The following ENAH variants were observed in gnomAD, a reference collection of about 807,000 sequenced individuals.
The protein encoded by ENAH is ENAH actin regulator, also known as protein enabled homolog.
Under a neutral mutation model 78.7 loss-of-function variants are expected in ENAH, and 23 were observed. The observed-to-expected ratio is 0.29, with a 90% CI of 0.21 to 0.41. ENAH has a LOEUF of 0.41. ENAH is among the 10% of genes least tolerant of loss of function. The probability of loss-of-function intolerance (pLI) is 1.00; values close to 1 mark genes in which losing one functional copy is unlikely to be tolerated. For synonymous variants in ENAH, 226 were observed against 241.0 expected (o/e 0.94, Z 0.58); for missense variants, 544 against 691.0 (o/e 0.79, Z 2.39).
chr1:225,605,427 G>A (rs2096951694), intron 1 of ENAH, among the ~76,000 whole-genome samples: 1 of 152,204 alleles, frequency 6.6e-6, no homozygotes, highest in South Asian at 2.1e-4. Flanking sequence ...CATAGATTTG[G>A]AAGCAAGTCT....
intron 4 of ENAH, among the ~76,000 whole-genome samples, chr1:225,523,031 A>G (rs1254505087): frequency 1.3e-5 from 2 of 152,058 alleles, no homozygotes; most frequent in Non-Finnish European, 2.9e-5. Flanking sequence ...TGTTTCTTAC[A>G]TTTTAGCTTT....
chr1:225,609,954 G>A (rs534761670), intron 1 of ENAH, among the ~76,000 whole-genome samples: 11 of 152,054 alleles, frequency 7.2e-5, no homozygotes, highest in South Asian at 4.1e-4. Context: ...ATGAGCCACC[G>A]CGCCCGGCCT....
Position 225,512,942 on chromosome 1 carries a change from G to C in ENAH, c.1293C>G (p.Gly431=). ...VNSASSKTDT[G]RGNGPLPLGG... ...CTAAAGGAAGGGGTCCATTTCCACGGCCTGTATCTGTTTTAGATGAGGCGG... is the reference window on the plus strand; with the variant it reads ...CTAAAGGAAGGGGTCCATTTCCACGCCCTGTATCTGTTTTAGATGAGGCGG... Residue 431 remains glycine (G), a synonymous_variant, in exon 8 of 14, where the codon GGC becomes GGG. Coordinates refer to ENST00000366843, the MANE Select transcript of ENAH (RefSeq NM_018212.6). 1 of 1,613,856 alleles carries C rather than the reference G, an allele frequency of 6.2e-7. No individual in the cohort carries two copies.
chr1:225,517,173 A>G (rs1445513970), intron 6 of ENAH, 23 bp downstream of exon 6: 15 of 1,481,422 alleles, frequency 1.0e-5, no homozygotes, highest in Non-Finnish European at 1.3e-5. Flanking sequence ...ATTAGCTGTT[A>G]GTAGCAATAA....
chr1:225,542,477 C>A (rs1333185853), intron 3 of ENAH, among the ~76,000 whole-genome samples: 1 of 152,178 alleles, frequency 6.6e-6, no homozygotes, highest in East Asian at 1.9e-4. Context: ...AGCTGTCTCC[C>A]TTTTCCATGG....
chr1:225,608,554 G>A (rs1273072821), intron 1 of ENAH, among the ~76,000 whole-genome samples: 1 of 151,846 alleles, frequency 6.6e-6, no homozygotes, highest in African/African-American at 2.4e-5. Flanking sequence ...CGTGGCTCAC[G>A]CCTGTAATCT....
chr1:225,508,446 T>C (rs2096351486), intron 10 of ENAH: 1 of 152,548 alleles, frequency 6.6e-6, no homozygotes, highest in Non-Finnish European at 1.5e-5. Flanking sequence ...GTATAACTTA[T>C]AATATGTTCA....
At position 225,573,213 on chromosome 1, in the gene ENAH, T is replaced by C. The variant is rs571675122; in HGVS notation, c.6-5799A>G. Among the ~76,000 whole-genome samples the C allele has an allele frequency of 7.2e-4, 109 of 152,322 alleles. 1 individual carries two copies. The highest frequency in any genetic ancestry group is 2.5e-3 in the African/African-American group (102 of 41,572). On this transcript the variant is annotated intron_variant, in intron 1 of 13. Transcript: ENST00000366843. Reference sequence around the variant, plus strand: ...AATTTCTTTTCAAAGATATCACTTATTAATCATTACTTGTCAAAGAAAGCA... The same window carrying C: ...AATTTCTTTTCAAAGATATCACTTACTAATCATTACTTGTCAAAGAAAGCA...
At chr1:225,511,030 A>C (rs989660654) in intron 10 of ENAH, among the ~76,000 whole-genome samples, 1 of 152,104 alleles carries the variant, frequency 6.6e-6, no homozygotes, top group Non-Finnish European at 1.5e-5. Flanking sequence ...CAAAAAAATT[A>C]AAAAAATGAA....
intron 1 of ENAH, among the ~76,000 whole-genome samples, chr1:225,594,895 C>T (rs2096894893): frequency 6.6e-6 from 1 of 152,114 alleles, no homozygotes. Context: ...CATATGCTCT[C>T]AATAAACACA....
chr1:225,652,813 TC>T lies in ENAH; in HGVS notation c.-124del. On this transcript the variant is annotated 5_prime_UTR_variant, in exon 1 of 14. Coordinates refer to ENST00000366843, the MANE Select transcript of ENAH (RefSeq NM_018212.6). ...AGACGGGAGACAAGTGTCCGGCTCCTCCTTCGGCGGCCAGGGGGCTACACCA... is the reference window on the plus strand; with the variant it reads ...AGACGGGAGACAAGTGTCCGGCTCCTCTTCGGCGGCCAGGGGGCTACACCA... 1 of 817,328 alleles carries T rather than the reference TC, an allele frequency of 1.2e-6. No individual in the cohort carries two copies. Among genetic ancestry groups the T allele is most frequent in the Non-Finnish European group, 1.7e-6 (1 of 600,480 alleles). 50.6% of individuals were successfully genotyped at this position (817,328 alleles called of 1,614,324 possible).
Position 225,494,083 on chromosome 1 carries a change from A to AAAAAAC in ENAH, c.*3691_*3692insGTTTTT, listed in dbSNP as rs3081083. ...CTAGAGCAAAAAAAAAAAAAAAAAA[A>AAAAAAC]CAGCTGAAAATTTTACAACTGTAAC... is the stretch of plus-strand genomic sequence containing the variant. On this transcript the variant is annotated 3_prime_UTR_variant, in exon 14 of 14. Transcript: ENST00000366843. 1.3e-5 allele frequency: 2 copies of AAAAAAC among 150,574 alleles called. No individual in the cohort carries two copies. Among genetic ancestry groups the AAAAAAC allele is most frequent in the African/African-American group, 2.4e-5 (1 of 41,062 alleles). The allele number at this position is 150,574 out of a possible 1,614,324, so 9.3% of individuals were successfully genotyped here.
At chr1:225,576,703 G>A (rs2096789973) in intron 1 of ENAH, among the ~76,000 whole-genome samples, 1 of 152,152 alleles carries the variant, frequency 6.6e-6, no homozygotes, top group South Asian at 2.1e-4. Flanking sequence ...GGCACCATAG[G>A]AGCAAGCACA....
In ENAH at chr1:225,532,315, T is replaced by C. The variant is rs184275758; in HGVS notation, c.350-1677A>G. 2.7e-3 allele frequency among the ~76,000 whole-genome samples: 414 copies of C among 152,210 alleles called. 3 individuals are homozygous for C. The highest frequency in any genetic ancestry group is 9.4e-3 in the African/African-American group (392 of 41,550). On this transcript the variant is annotated intron_variant, in intron 3 of 13. Coordinates refer to ENST00000366843, the MANE Select transcript of ENAH (RefSeq NM_018212.6). Reference sequence around the variant, plus strand: ...CTTTATATATCCAAAGTACTAAATGTGAGCATTTAGCATGGGCAACTCACA... The same window carrying C: ...CTTTATATATCCAAAGTACTAAATGCGAGCATTTAGCATGGGCAACTCACA...
chr1:225,517,142 G>A, intron 6 of ENAH, 54 bp downstream of exon 6: 1 of 1,419,428 alleles, frequency 7.0e-7, no homozygotes, highest in Admixed American at 2.7e-5. Context: ...TAAAGTCACT[G>A]CTATATAACA....
rs2096961942 is a variant in ENAH at position 225,607,406 on chromosome 1, AACTG to A, written c.6-39996_6-39993del. On this transcript the variant is annotated intron_variant, in intron 1 of 13. Transcript: ENST00000366843. ...GCCGAAAAGCAGATGGATTAGAGGT[AACTG>A]ACTTAGTAGGCTGAAGAAAACAGAA... 1.3e-5 allele frequency among the ~76,000 whole-genome samples: 2 copies of A among 152,094 alleles called. 1 individual carries two copies. The highest frequency in any genetic ancestry group is 4.1e-4 in the South Asian group (2 of 4,828).
At chr1:225,627,425 A>C (rs1011374273) in intron 1 of ENAH, among the ~76,000 whole-genome samples, 3 of 152,290 alleles carry the variant, frequency 2.0e-5, no homozygotes, top group East Asian at 3.9e-4. Context: ...GATGGGGAGA[A>C]GAAAATGAAA....
intron 1 of ENAH, among the ~76,000 whole-genome samples, chr1:225,641,392 T>C (rs1435446712): frequency 6.7e-6 from 1 of 148,844 alleles, no homozygotes; most frequent in African/African-American, 2.5e-5. Context: ...CCCAGCACTT[T>C]GGGAGGTCAA....
At chr1:225,614,154 G>A (rs183439859) in intron 1 of ENAH, among the ~76,000 whole-genome samples, 1 of 152,006 alleles carries the variant, frequency 6.6e-6, no homozygotes, top group Non-Finnish European at 1.5e-5. Context: ...CACCTACTGG[G>A]TTCAAGTGAT....
Sources: gnomAD v4.1 joint callset for allele counts (sites outside exome capture counted in the v4.1 genomes callset) on GRCh38, gnomAD v4.1.1 for gene constraint, MANE v1.5 for transcripts, NCBI Gene and HGNC (gene_info 2026-07-23, HGNC 2026-07-21) for gene names.